The following KDM4C variants were observed in gnomAD, a reference collection of about 807,000 sequenced individuals.
KDM4C encodes lysine-specific demethylase 4C.
Under a neutral mutation model 129.3 loss-of-function variants are expected in KDM4C, and 81 were observed. The observed-to-expected ratio is 0.63, with a 90% confidence interval of 0.52 to 0.75. KDM4C has a LOEUF of 0.75. KDM4C is among the 30% of genes least tolerant of loss of function. The pLI is 0.00. For synonymous variants in KDM4C, 573 were observed against 456.1 expected (o/e 1.26, Z -3.26); for missense variants, 1,457 against 1,304.0 (o/e 1.12, Z -1.81).
At chr9:6,955,523 T>G (rs1328955993) in intron 8 of KDM4C, among the ~76,000 whole-genome samples, 3 of 152,148 alleles carry the variant, frequency 2.0e-5, no homozygotes, top group African/African-American at 7.2e-5. Context: ...TCAGCCCTCT[T>G]ATTGTGTTGC....
chr9:6,988,252 G>A (rs1216641711), intron 11 of KDM4C, among the ~76,000 whole-genome samples: 3 of 151,604 alleles, frequency 2.0e-5, no homozygotes, highest in Admixed American at 1.3e-4. Flanking sequence ...TCATTCTTTG[G>A]ACAGGTGACT....
chr9:6,984,389 C>T lies in KDM4C; in HGVS notation c.1339C>T (p.His447Tyr), dbSNP rs755351861. The T allele has an allele frequency of 4.4e-6, 7 of 1,609,120 alleles. No individual in the cohort carries two copies. The African/African-American group carries it at 5.3e-5, about 12-fold the overall frequency. The change falls in exon 10 of 22, where the codon CAT (histidine) becomes TAT (tyrosine). Residue 447 changes from histidine (H) to tyrosine (Y), a missense_variant. Coordinates refer to ENST00000381309, the MANE Select transcript of KDM4C (RefSeq NM_015061.6). ...RMQVEQNLSD[H>Y]IKLSGNSCLS... ...GCAGGTGGAGCAGAATTTATCAGATCATATCAAACTCTCAGGTGAGAAGAT... is the reference window on the plus strand; with the variant it reads ...GCAGGTGGAGCAGAATTTATCAGATTATATCAAACTCTCAGGTGAGAAGAT...
chr9:7,056,607 G>C (rs1830906260), intron 17 of KDM4C, among the ~76,000 whole-genome samples: 1 of 152,134 alleles, frequency 6.6e-6, no homozygotes, highest in Admixed American at 6.5e-5. Flanking sequence ...TTCTTTATCT[G>C]TTGAGAGAAA....
intron 18 of KDM4C, among the ~76,000 whole-genome samples, chr9:7,122,026 G>A (rs989679378): frequency 2.0e-5 from 3 of 151,962 alleles, no homozygotes; most frequent in Admixed American, 2.0e-4. Context: ...GAGCACCTAT[G>A]TTGTGTTAGT....
chr9:7,015,886 A>G lies in KDM4C; in HGVS notation c.2216A>G (p.Asp739Gly). The part of the protein sequence containing the change: ...CYGIPSHEIC[D>G]GWLCARCKRN... ...GGTATTCCTTCTCATGAGATCTGTG[A>G]TGGATGGCTGTGTGCCCGGTGCAAA... The change falls in exon 15 of 22, where the codon GAT (aspartate) becomes GGT (glycine). Residue 739 changes from aspartate to glycine, a missense_variant. Physicochemically the swap from Asp to Gly is moderately conservative, Grantham distance 94 (BLOSUM62 -1). Transcript: ENST00000381309. The G allele has an allele frequency of 6.2e-7, 1 of 1,613,032 alleles. No homozygotes were observed. Among genetic ancestry groups the G allele is most frequent in the Non-Finnish European group, 8.5e-7 (1 of 1,179,258 alleles).
intron 3 of KDM4C, among the ~76,000 whole-genome samples, chr9:6,809,080 T>G (rs532445315): frequency 3.3e-5 from 5 of 152,344 alleles, no homozygotes; most frequent in African/African-American, 1.2e-4. Context: ...AAGCACATGA[T>G]GCTACTTGAA....
At chr9:6,980,300 AT>A (rs1365060224) in intron 8 of KDM4C, among the ~76,000 whole-genome samples, 1 of 151,922 alleles carries the variant, frequency 6.6e-6, no homozygotes, top group Non-Finnish European at 1.5e-5. Context: ...ATTCAAAATA[AT>A]TTTTTCTTTG....
At chr9:6,911,968 C>A (rs981776922) in intron 8 of KDM4C, among the ~76,000 whole-genome samples, 1 of 152,090 alleles carries the variant, frequency 6.6e-6, no homozygotes, top group Admixed American at 6.5e-5. Context: ...GGACTTGGGG[C>A]AGTTTGTGAG....
intron 17 of KDM4C, among the ~76,000 whole-genome samples, chr9:7,054,120 T>A (rs535747819): frequency 6.6e-6 from 1 of 152,364 alleles, no homozygotes; most frequent in East Asian, 1.9e-4. Flanking sequence ...CTGCAGCACC[T>A]TCTCTGTTCA....
At chr9:7,101,225 T>C (rs555304052) in intron 17 of KDM4C, among the ~76,000 whole-genome samples, 1 of 152,314 alleles carries the variant, frequency 6.6e-6, no homozygotes, top group Non-Finnish European at 1.5e-5. Context: ...TTTCATAGCA[T>C]GTATTTCGTT....
chr9:7,125,623 G>A lies in KDM4C; in HGVS notation c.2611-2443G>A, dbSNP rs75619554. Among the ~76,000 whole-genome samples, 301 of 152,308 alleles carry A rather than the reference G, an allele frequency of 2.0e-3. 2 individuals carry two copies. Among genetic ancestry groups the A allele is most frequent in the African/African-American group, 6.0e-3 (250 of 41,566 alleles). On this transcript the variant is annotated intron_variant, in intron 18 of 21. Transcript: ENST00000381309. Reference sequence around the variant, plus strand: ...TTTAGCTTTTTTGAAATTCACGGGGGAAACAAAAGCAAAGCCTCTGATTGA... The same window carrying A: ...TTTAGCTTTTTTGAAATTCACGGGGAAAACAAAAGCAAAGCCTCTGATTGA...
At chr9:7,165,540 T>C (rs936034449) in intron 20 of KDM4C, among the ~76,000 whole-genome samples, 183 bp downstream of exon 20, 1 of 152,264 alleles carries the variant, frequency 6.6e-6, no homozygotes, top group Non-Finnish European at 1.5e-5. Context: ...TATTACCAAG[T>C]TGGACACTGG....
chr9:6,895,395 C>T (rs1257606925), intron 8 of KDM4C, among the ~76,000 whole-genome samples: 2 of 152,164 alleles, frequency 1.3e-5, no homozygotes, highest in Non-Finnish European at 2.9e-5. Context: ...GACTGTGAAC[C>T]AGAGGCTGGA....
chr9:6,747,049 C>T (rs187819350), intron 1 of KDM4C, among the ~76,000 whole-genome samples: 3 of 146,204 alleles, frequency 2.1e-5, no homozygotes, highest in Non-Finnish European at 4.5e-5. Context: ...AAAAATTAGT[C>T]AGGTGTGGTG....
chr9:7,095,635 A>G (rs940743989), intron 17 of KDM4C, among the ~76,000 whole-genome samples: 2 of 152,200 alleles, frequency 1.3e-5, no homozygotes, highest in Non-Finnish European at 2.9e-5. Context: ...TTCAATCATT[A>G]AAATATTATA....
At chr9:6,991,113 G>T (rs745842671) in intron 12 of KDM4C, among the ~76,000 whole-genome samples, 1 of 151,886 alleles carries the variant, frequency 6.6e-6, no homozygotes, top group Non-Finnish European at 1.5e-5. Context: ...GTCTCGCTCT[G>T]TTATTCATGC....
intron 1 of KDM4C, among the ~76,000 whole-genome samples, 166 bp from the exon 2 acceptor site, chr9:6,792,806 C>A (rs1050266439): frequency 2.0e-5 from 3 of 152,092 alleles, no homozygotes; most frequent in Non-Finnish European, 4.4e-5. Flanking sequence ...CTTGTTTGTT[C>A]AGGGGTTCAG....
intron 2 of KDM4C, among the ~76,000 whole-genome samples, chr9:6,796,031 T>C (rs1827681821): frequency 6.6e-6 from 1 of 152,022 alleles, no homozygotes; most frequent in Non-Finnish European, 1.5e-5. Context: ...TAATTAGGGG[T>C]GGGTGAGAGA....
chr9:6,976,304 T>C (rs1480759876), intron 8 of KDM4C, among the ~76,000 whole-genome samples: 1 of 152,198 alleles, frequency 6.6e-6, no homozygotes, highest in Non-Finnish European at 1.5e-5. Context: ...TGAGCAATTA[T>C]GAATTATGAA....
Sources: allele counts gnomAD v4.1 joint callset (sites outside exome capture counted in the v4.1 genomes callset), GRCh38; gene constraint gnomAD v4.1.1; transcripts MANE v1.5; gene names NCBI Gene and HGNC (gene_info 2026-07-23, HGNC 2026-07-21).